The following ZNF407 variants were observed in gnomAD, a reference collection of about 807,000 sequenced individuals.
ZNF407 encodes zinc finger protein 407.
Under a neutral mutation model 131.2 loss-of-function variants are expected in ZNF407, and 17 were observed. That is an observed-to-expected ratio of 0.13 (90% confidence interval 0.09 to 0.19). The LOEUF (loss-of-function observed/expected upper bound fraction) is 0.19. ZNF407 is among the 10% of genes least tolerant of loss of function. The pLI is 1.00. For synonymous variants in ZNF407, 1,156 were observed against 1,062.0 expected (o/e 1.09, Z -1.72); for missense variants, 2,681 against 2,830.6 (o/e 0.95, Z 1.20).
At position 74,634,057 on chromosome 18, in the gene ZNF407, G is replaced by C. The variant is rs569263960; in HGVS notation, c.3038G>C (p.Gly1013Ala). ...GDVYSQRDVT[G>A]TGENKCLHCE... ...GTGTACTCCCAGAGAGATGTTACAG[G>C]CACAGGTGAGAATAAGTGTTTGCAC... The change falls in exon 2 of 9, where the codon GGC (glycine) becomes GCC (alanine). Residue 1013 changes from glycine (G) to alanine (A), a missense_variant. Gly to Ala is a moderately conservative substitution (Grantham distance 60). Around this residue, in one of 6 missense-constraint regions of ZNF407, gnomAD observed 1,789 missense variants for 1,748.7 expected, o/e 1.02. Transcript: ENST00000299687. The C allele has an allele frequency of 2.9e-5, 46 of 1,613,926 alleles. No homozygotes were observed. The highest frequency in any genetic ancestry group is 4.0e-5 in the African/African-American group (3 of 74,944).
At chr18:74,900,092 A>G (rs724894) in intron 7 of ZNF407, among the ~76,000 whole-genome samples, 72,647 of 152,098 alleles carry the variant, frequency 0.48, 19,588 homozygotes, top group Non-Finnish European at 0.6. Flanking sequence ...TTAAATGTCC[A>G]TTGAAACCGT....
At chr18:74,624,890 G>C (rs1983719062) in intron 1 of ZNF407, among the ~76,000 whole-genome samples, 1 of 152,176 alleles carries the variant, frequency 6.6e-6, no homozygotes, top group Admixed American at 6.5e-5. Context: ...TGATATTTTT[G>C]CTATCTGAGT....
At chr18:74,666,997 T>G (rs1039579105) in intron 3 of ZNF407, among the ~76,000 whole-genome samples, 3 of 152,244 alleles carry the variant, frequency 2.0e-5, no homozygotes, top group African/African-American at 7.2e-5. Flanking sequence ...AGGGTTCTGC[T>G]TTCTGCTTTT....
At chr18:74,689,451 G>C (rs879498592) in intron 3 of ZNF407, among the ~76,000 whole-genome samples, 2 of 152,108 alleles carry the variant, frequency 1.3e-5, no homozygotes, top group Non-Finnish European at 2.9e-5. Context: ...TTGCATTGTG[G>C]TTGCAGTCAA....
At position 74,845,259 on chromosome 18, in the gene ZNF407, C is replaced by T. The variant is rs968477087; in HGVS notation, c.4878-31938C>T. On this transcript the variant is annotated intron_variant, in intron 4 of 8. Transcript: ENST00000299687. ...GTTCTCCTCCTTGAGTTTATGTTTGCTTTAAATGTGTTTGGAATCAACCAG... is the reference window on the plus strand; with the variant it reads ...GTTCTCCTCCTTGAGTTTATGTTTGTTTTAAATGTGTTTGGAATCAACCAG... 9.9e-5 allele frequency among the ~76,000 whole-genome samples: 15 copies of T among 152,252 alleles called. 1 individual carries two copies. The highest frequency in any genetic ancestry group is 3.6e-4 in the African/African-American group (15 of 41,524).
At chr18:74,863,338 A>G (rs72977450) in intron 4 of ZNF407, among the ~76,000 whole-genome samples, 15,255 of 151,774 alleles carry the variant, frequency 0.1, 992 homozygotes, top group Middle Eastern at 0.23. Flanking sequence ...AATATCAGTA[A>G]TTAATATAAA....
intron 8 of ZNF407, among the ~76,000 whole-genome samples, chr18:74,929,504 G>T (rs1274894095): frequency 6.6e-6 from 1 of 152,162 alleles, no homozygotes; most frequent in Non-Finnish European, 1.5e-5. Context: ...GGGACGGTAT[G>T]ATTTTATCAG....
intron 4 of ZNF407, among the ~76,000 whole-genome samples, chr18:74,810,353 TG>T (rs1970176615): frequency 1.1e-5 from 1 of 91,032 alleles, no homozygotes; most frequent in Non-Finnish European, 2.7e-5. Flanking sequence ...GATGCACCTT[TG>T]CTTTTTTTTT....
At chr18:74,725,876 T>C (rs1319213196) in intron 3 of ZNF407, among the ~76,000 whole-genome samples, 1 of 152,230 alleles carries the variant, frequency 6.6e-6, no homozygotes, top group Non-Finnish European at 1.5e-5. Context: ...TTCTCTATTA[T>C]GCAACTTCTT....
chr18:74,958,167 T>G (rs536704722), intron 8 of ZNF407, among the ~76,000 whole-genome samples: 1 of 152,194 alleles, frequency 6.6e-6, no homozygotes, highest in Non-Finnish European at 1.5e-5. Context: ...CATTATGTAT[T>G]AAGGTCCTTA....
At chr18:74,960,166 A>G (rs1162936536) in intron 8 of ZNF407, among the ~76,000 whole-genome samples, 1 of 152,222 alleles carries the variant, frequency 6.6e-6, no homozygotes, top group Non-Finnish European at 1.5e-5. Flanking sequence ...TTGTGAAGTG[A>G]AATGAGATGA....
At chr18:74,681,906 A>T (rs1966992455) in intron 3 of ZNF407, among the ~76,000 whole-genome samples, 1 of 152,176 alleles carries the variant, frequency 6.6e-6, no homozygotes, top group Admixed American at 6.5e-5. Flanking sequence ...ACAAACATTC[A>T]AAAGGGAGTA....
At chr18:74,769,396 C>CTTTTTTTTTTTTTTT (rs1568207282) in intron 3 of ZNF407, among the ~76,000 whole-genome samples, 1 of 151,254 alleles carries the variant, frequency 6.6e-6, no homozygotes, top group African/African-American at 2.5e-5. Flanking sequence ...GCAAAGGGTT[C>CTTTTTTTTTTTTTTT]TTTACAGAGC....
intron 1 of ZNF407, among the ~76,000 whole-genome samples, chr18:74,625,922 A>G (rs947302579): frequency 1.6e-4 from 24 of 152,162 alleles, no homozygotes; most frequent in African/African-American, 5.8e-4. Flanking sequence ...AACTAGACAC[A>G]TAAATAACCA....
chr18:74,930,512 G>A (rs1193675684), intron 8 of ZNF407, among the ~76,000 whole-genome samples: 1 of 152,084 alleles, frequency 6.6e-6, no homozygotes, highest in East Asian at 1.9e-4. Context: ...CCTGAATAAG[G>A]TCTGTGATGT....
chr18:74,638,137 A>G (rs1250550314), intron 2 of ZNF407, among the ~76,000 whole-genome samples: 1 of 152,194 alleles, frequency 6.6e-6, no homozygotes, highest in African/African-American at 2.4e-5. Context: ...TGCCATCTCA[A>G]AATGTTCCAG....
chr18:74,706,941 T>C (rs1449374784), intron 3 of ZNF407, among the ~76,000 whole-genome samples: 14 of 4,336 alleles, frequency 3.2e-3, no homozygotes, highest in Admixed American at 6.3e-3. Context: ...AGACAGCAGC[T>C]TTTTTTTTTT....
intron 1 of ZNF407, among the ~76,000 whole-genome samples, chr18:74,615,426 A>AC (rs1382125187): frequency 6.6e-6 from 1 of 151,948 alleles, no homozygotes; most frequent in African/African-American, 2.4e-5. Flanking sequence ...AATTGCTTGA[A>AC]CCCGGGGGGC....
intron 7 of ZNF407, among the ~76,000 whole-genome samples, chr18:74,895,913 G>A (rs977507778): frequency 9.2e-5 from 14 of 152,268 alleles, no homozygotes; most frequent in African/African-American, 2.9e-4. Context: ...TTTGCTTCCT[G>A]TGCAGGCTCA....
Sources: gnomAD v4.1 joint callset for allele counts (sites outside exome capture counted in the v4.1 genomes callset) on GRCh38, gnomAD v4.1.1 for gene constraint, gnomAD v4.1.1 regional missense constraint, MANE v1.5 for transcripts, NCBI Gene and HGNC (gene_info 2026-07-23, HGNC 2026-07-21) for gene names.